KLRG1: variants seen among roughly 807,000 people sequenced by gnomAD.
The protein encoded by KLRG1 is killer cell lectin-like receptor subfamily G member 1.
In KLRG1, 16 loss-of-function variants were observed where a neutral mutation model predicts 21.8. That is an observed-to-expected ratio of 0.73 (90% CI 0.50 to 1.11). KLRG1 has a LOEUF of 1.11. Among genes scored for constraint, KLRG1 ranks in the 50% most tolerant of loss-of-function variants. The pLI is 0.00. For synonymous variants in KLRG1, 69 were observed against 75.9 expected, an observed-to-expected ratio of 0.91 and a Z score of 0.47; for missense variants, 173 against 218.3, an observed-to-expected ratio of 0.79 and a Z score of 1.31.
At chr12:9,182,052 T>C in the KLRG1 span, 4 of 1,613,742 alleles carry the variant, frequency 2.5e-6, no homozygotes, top group South Asian at 2.2e-5. Flanking sequence ...ATGGCAAAGA[T>C]GAACATTCGT....
chr12:9,034,086 T>C, the KLRG1 span, among the ~76,000 whole-genome samples: 2 of 152,200 alleles, frequency 1.3e-5, no homozygotes, highest in Non-Finnish European at 2.9e-5. Context: ...ATTTGTGTAT[T>C]GTATCAGTCA....
At chr12:9,029,946 G>A in the KLRG1 span, among the ~76,000 whole-genome samples, 4 of 151,978 alleles carry the variant, frequency 2.6e-5, no homozygotes, top group Admixed American at 6.5e-5. Context: ...CAGAGACAGG[G>A]TTTCGCCATA....
chr12:9,069,369 G>C, the KLRG1 span, among the ~76,000 whole-genome samples: 3 of 152,168 alleles, frequency 2.0e-5, no homozygotes, highest in African/African-American at 7.2e-5. Flanking sequence ...TGTGGAGACT[G>C]ACAGTTTTTT....
At chr12:9,069,788 C>T in the KLRG1 span, 44 of 1,612,776 alleles carry the variant, frequency 2.7e-5, 1 homozygote, top group African/African-American at 1.3e-4. Flanking sequence ...GACTTCTGTC[C>T]GGCTCACATG....
chr12:9,103,907 C>T, the KLRG1 span, among the ~76,000 whole-genome samples: 3 of 152,208 alleles, frequency 2.0e-5, no homozygotes, highest in African/African-American at 4.8e-5. Context: ...ACCCCGTTTT[C>T]GATTCTTTTG....
the KLRG1 span, among the ~76,000 whole-genome samples, chr12:9,137,450 A>G: frequency 1.3e-5 from 2 of 152,160 alleles, no homozygotes; most frequent in African/African-American, 4.8e-5. Context: ...TTTTGAAATT[A>G]GGAAGTGTGA....
chr12:9,157,772 C>T, the KLRG1 span: 114 of 1,613,690 alleles, frequency 7.1e-5, 1 homozygote, highest in South Asian at 8.3e-4. Context: ...CCTACAGTGA[C>T]TGGGAGAGGA....
chr12:9,112,379 G>T, the KLRG1 span: 2 of 1,613,436 alleles, frequency 1.2e-6, no homozygotes, highest in Non-Finnish European at 1.7e-6. Flanking sequence ...CTTCATACCT[G>T]TCTGCCCTGG....
chr12:9,169,344 A>C, the KLRG1 span: 1 of 1,281,508 alleles, frequency 7.8e-7, no homozygotes, highest in Non-Finnish European at 1.1e-6. Flanking sequence ...AGGCTACATA[A>C]TTACTAAGAT....
Position 8,965,850 on chromosome 12 carries a change from A to G in KLRG1, c.-156+15614A>G, listed in dbSNP as rs756089730. ...TGGAAAAAACTACTTTGAAATTCAT[A>G]TGGAACCAAAAAAGAGTCCACATTG... On this transcript the variant is annotated intron_variant, in intron 1 of 4. Transcript: ENST00000539240. Among the ~76,000 whole-genome samples, 125 of 150,482 alleles carry G rather than the reference A, an allele frequency of 8.3e-4. 1 individual carries two copies. The highest frequency in any genetic ancestry group is 3.0e-3 in the African/African-American group (122 of 40,014).
At chr12:9,148,821 T>C in the KLRG1 span, 4 of 637,160 alleles carry the variant, frequency 6.3e-6, no homozygotes, top group African/African-American at 5.6e-5. Flanking sequence ...GTCTGATGAA[T>C]GAATGATGCA....
At chr12:9,093,358 T>G in the KLRG1 span, 1 of 727,240 alleles carries the variant, frequency 1.4e-6, no homozygotes, top group Non-Finnish European at 2.4e-6. Flanking sequence ...AACATCATGT[T>G]GTACATCATA....
intron 1 of KLRG1, among the ~76,000 whole-genome samples, chr12:8,957,510 T>C (rs1323359866): frequency 1.3e-5 from 2 of 149,990 alleles, no homozygotes; most frequent in Non-Finnish European, 1.5e-5. Flanking sequence ...TTTTGTTTTT[T>C]GTTTGTTTGT....
the KLRG1 span, among the ~76,000 whole-genome samples, chr12:9,032,026 C>T: frequency 6.6e-6 from 1 of 152,164 alleles, no homozygotes; most frequent in East Asian, 1.9e-4. Context: ...CTAGTGGAAA[C>T]ACCTGAACAG....
At chr12:8,979,552 G>T (rs974683990) in intron 1 of KLRG1, among the ~76,000 whole-genome samples, 1 of 152,032 alleles carries the variant, frequency 6.6e-6, no homozygotes, top group Non-Finnish European at 1.5e-5. Flanking sequence ...ACTTCTTTAT[G>T]TTTAACCTAC....
chr12:9,194,354 C>A, the KLRG1 span: 4 of 846,676 alleles, frequency 4.7e-6, no homozygotes, highest in East Asian at 2.6e-5. Context: ...CTCAAAAAAA[C>A]CCCACCAAAC....
At chr12:9,124,479 C>T in the KLRG1 span, among the ~76,000 whole-genome samples, 3 of 152,244 alleles carry the variant, frequency 2.0e-5, no homozygotes, top group African/African-American at 7.2e-5. Context: ...CCCCGTGCGG[C>T]TGCAGCACCC....
At chr12:9,058,060 C>T in the KLRG1 span, 1 of 152,156 alleles carries the variant, frequency 6.6e-6, no homozygotes, top group Non-Finnish European at 1.5e-5. Context: ...CTGACTCTAT[C>T]TATATTAATA....
At chr12:9,136,756 A>G in the KLRG1 span, among the ~76,000 whole-genome samples, 1 of 152,006 alleles carries the variant, frequency 6.6e-6, no homozygotes, top group Non-Finnish European at 1.5e-5. Context: ...TGTGGTTTTG[A>G]TTTGCATTTC....
Sources: gnomAD v4.1 joint callset for allele counts (sites outside exome capture counted in the v4.1 genomes callset) on GRCh38, gnomAD v4.1.1 for gene constraint, MANE v1.5 for transcripts, NCBI Gene and HGNC (gene_info 2026-07-23, HGNC 2026-07-21) for gene names.